Variants in C10orf90 observed in about 807,000 individuals in gnomAD.
C10orf90 encodes the protein (E2-independent) E3 ubiquitin-conjugating enzyme FATS.
C10orf90 carries 56 observed loss-of-function variants against 62.5 expected under a neutral mutation model. The ratio of observed to expected loss-of-function variants is 0.90; its 90% CI spans 0.72 to 1.12. The LOEUF (loss-of-function observed/expected upper bound fraction) is 1.12, where lower values mean the gene tolerates loss of function less well. Ranked by LOEUF, C10orf90 falls within the 50% of genes most tolerant of loss-of-function variation. The pLI is 0.00. For missense variants in C10orf90, 970 were observed against 880.4 expected (o/e 1.10, Z -1.29); for synonymous variants, 386 against 340.4 (o/e 1.13, Z -1.47).
chr10:126,431,234 C>CT (rs1348452526), intron 7 of C10orf90, among the ~76,000 whole-genome samples: 1 of 152,208 alleles, frequency 6.6e-6, no homozygotes, highest in East Asian at 1.9e-4. Context: ...TTGAATGCTT[C>CT]TTTTTAGCAA....
intron 2 of C10orf90, among the ~76,000 whole-genome samples, chr10:126,627,132 T>A (rs1244530461): frequency 6.6e-6 from 1 of 151,878 alleles, no homozygotes; most frequent in East Asian, 1.9e-4. Context: ...CCCAGGTAGC[T>A]GGGATTACAG....
rs1862640635 is a variant in C10orf90, at chr10:126,504,954, A to C, written c.537T>G (p.His179Gln). 2 of 1,614,070 alleles carry C rather than the reference A, an allele frequency of 1.2e-6. No homozygotes were observed. The highest frequency in any genetic ancestry group is 1.7e-6 in the Non-Finnish European group (2 of 1,180,048). Residue 179 changes from histidine (H) to glutamine (Q), a missense_variant, in exon 4 of 10, where the codon CAT becomes CAG. Physicochemically the swap from His to Gln is conservative, Grantham distance 24. Coordinates refer to ENST00000488181, the MANE Select transcript of C10orf90 (RefSeq NM_001350921.2). The surrounding 1 kb of genome is among the most constrained non-coding windows in gnomAD (Gnocchi z 4.1). ...GGTTAGCCAGAGATTGCTTGGCGTG[A>C]TGTGCACGAGACTGAGCAATGGCAC... Reference protein sequence around the residue: ...LPCAIAQSRAHHAKQSLANRS... With the variant: ...LPCAIAQSRAQHAKQSLANRS...
At chr10:126,578,117 A>G (rs966591575) in intron 2 of C10orf90, among the ~76,000 whole-genome samples, 3 of 152,218 alleles carry the variant, frequency 2.0e-5, no homozygotes, top group African/African-American at 7.2e-5. Flanking sequence ...TGCTTTATTC[A>G]TAATGCATAA....
rs183852527 is a variant in C10orf90 at position 126,465,039 on chromosome 10, G to A, written c.1535-53C>T. On this transcript the variant is annotated intron_variant, in intron 4 of 9. Transcript: ENST00000488181. ...AAATCTCTTATGAATCCAATCTAAT[G>A]TACTGACTTCTACCGCACATGGTGC... is the stretch of plus-strand genomic sequence containing the variant. 5.8e-6 allele frequency: 9 copies of A among 1,561,754 alleles called. No individual in the cohort carries two copies. The Admixed American group carries it at 6.9e-5, about 12-fold the overall frequency.
intron 4 of C10orf90, among the ~76,000 whole-genome samples, chr10:126,496,493 A>G (rs965829322): frequency 1.5e-4 from 23 of 152,178 alleles, no homozygotes; most frequent in African/African-American, 5.6e-4. Flanking sequence ...TTAACATTAC[A>G]TTTGACCACA....
intron 4 of C10orf90, among the ~76,000 whole-genome samples, chr10:126,493,038 C>T (rs1380754358): frequency 6.6e-6 from 1 of 151,922 alleles, no homozygotes; most frequent in African/African-American, 2.4e-5. Flanking sequence ...ACAATGGAAG[C>T]TCACGTAGCC....
chr10:126,644,769 CGTT>C lies in C10orf90; in HGVS notation c.313+1793_313+1795del, dbSNP rs544222305. On this transcript the variant is annotated intron_variant, in intron 2 of 9. Coordinates refer to ENST00000488181, the MANE Select transcript of C10orf90 (RefSeq NM_001350921.2). ...CATCCACATTTAAGTCACCAGGCCTCGTTGTTCTCACGGCCACCTCTGAGTGCT... is the reference window on the plus strand; with the variant it reads ...CATCCACATTTAAGTCACCAGGCCTCGTTCTCACGGCCACCTCTGAGTGCT... Among the ~76,000 whole-genome samples the C allele has an allele frequency of 3.3e-5, 5 of 152,294 alleles. No individual in the cohort carries two copies. In the South Asian group the frequency reaches 1.0e-3, roughly 32 times the overall value.
chr10:126,601,364 G>A (rs750455537), intron 2 of C10orf90, among the ~76,000 whole-genome samples: 1 of 152,188 alleles, frequency 6.6e-6, no homozygotes, highest in African/African-American at 2.4e-5. Flanking sequence ...AAGTAACTAT[G>A]TGTATGGTAA....
chr10:126,610,916 G>A (rs2133801733), intron 2 of C10orf90, among the ~76,000 whole-genome samples: 1 of 152,226 alleles, frequency 6.6e-6, no homozygotes, highest in East Asian at 1.9e-4. Flanking sequence ...TGGGGTGGGA[G>A]TCTCTATATT....
Position 126,670,070 on chromosome 10 carries a change from A to G in C10orf90, c.240+171T>C, listed in dbSNP as rs530248623. ...CCCCCTCCCCCATATTTCAAAAACT[A>G]AAATAAATTCAGAAATGAAGAAGGC... is the stretch of plus-strand genomic sequence containing the variant. On this transcript the variant is annotated intron_variant, in intron 1 of 9. Transcript: ENST00000488181. Among the ~76,000 whole-genome samples the G allele has an allele frequency of 2.0e-5, 3 of 152,324 alleles. No individual in the cohort carries two copies. In the South Asian group the frequency reaches 6.2e-4, roughly 32 times the overall value.
chr10:126,618,229 G>A (rs1478636348), intron 2 of C10orf90, among the ~76,000 whole-genome samples: 1 of 152,214 alleles, frequency 6.6e-6, no homozygotes, highest in Non-Finnish European at 1.5e-5. Context: ...CAACTGTCAA[G>A]TGCTATGGCC....
intron 2 of C10orf90, among the ~76,000 whole-genome samples, chr10:126,603,220 C>T (rs1196345722): frequency 2.0e-5 from 3 of 152,194 alleles, no homozygotes; most frequent in East Asian, 3.9e-4. Context: ...GACTCACAAC[C>T]CCTTAGGGCT....
At chr10:126,633,956 C>G (rs1845900363) in intron 2 of C10orf90, among the ~76,000 whole-genome samples, 1 of 152,116 alleles carries the variant, frequency 6.6e-6, no homozygotes. Flanking sequence ...GTCAGAATGG[C>G]TGTTATCAAA....
At chr10:126,655,834 C>CAAAAAAAAAAAAAAAAAAAA (rs1195360598) in intron 1 of C10orf90, among the ~76,000 whole-genome samples, 2 of 126,504 alleles carry the variant, frequency 1.6e-5, no homozygotes, top group African/African-American at 5.5e-5. Flanking sequence ...CAAAACAAAA[C>CAAAAAAAAAAAAAAAAAAAA]AAAACAAAAA....
intron 2 of C10orf90, chr10:126,522,792 G>A (rs1863805830): frequency 6.6e-6 from 1 of 152,186 alleles, no homozygotes; most frequent in African/African-American, 2.4e-5. Context: ...ACATGATTAG[G>A]AGAAGGTAAA....
chr10:126,586,237 C>T (rs1485144600), intron 2 of C10orf90, among the ~76,000 whole-genome samples: 1 of 152,180 alleles, frequency 6.6e-6, no homozygotes, highest in African/African-American at 2.4e-5. Flanking sequence ...AAGTAAGAGC[C>T]ACAGGAAATC....
chr10:126,459,732 C>T (rs931265696), intron 6 of C10orf90, among the ~76,000 whole-genome samples: 4 of 152,210 alleles, frequency 2.6e-5, no homozygotes, highest in African/African-American at 9.6e-5. Context: ...AACAGCTCCT[C>T]CTCCTGGGTA....
intron 4 of C10orf90, among the ~76,000 whole-genome samples, chr10:126,492,312 A>T (rs1347122711): frequency 1.3e-5 from 2 of 152,184 alleles, no homozygotes; most frequent in Non-Finnish European, 2.9e-5. Context: ...AGCATCCTTC[A>T]GTGAAAAGGA....
intron 2 of C10orf90, among the ~76,000 whole-genome samples, chr10:126,544,374 C>T (rs1282416416): frequency 6.6e-6 from 1 of 152,206 alleles, no homozygotes; most frequent in African/African-American, 2.4e-5. Context: ...CAATCATCCG[C>T]CTCTAGAACT....
Sources: gnomAD v4.1 joint callset for allele counts (sites outside exome capture counted in the v4.1 genomes callset) on GRCh38, gnomAD v4.1.1 for gene constraint, Gnocchi (gnomAD v3.1) non-coding constraint, MANE v1.5 for transcripts, NCBI Gene and HGNC (gene_info 2026-07-23, HGNC 2026-07-21) for gene names.